GRM8: variants seen among roughly 807,000 people sequenced by gnomAD.
GRM8 encodes metabotropic glutamate receptor 8.
Under a neutral mutation model 87.2 loss-of-function variants are expected in GRM8, and 47 were observed. The ratio of observed to expected loss-of-function variants is 0.54; its 90% CI spans 0.43 to 0.69. The LOEUF (loss-of-function observed/expected upper bound fraction) is 0.69. GRM8 is among the 30% of genes least tolerant of loss of function. The pLI is 0.00. For missense variants in GRM8, 1,019 were observed against 1,139.2 expected, an observed-to-expected ratio of 0.89 and a Z score of 1.52; for synonymous variants, 396 against 404.5, an observed-to-expected ratio of 0.98 and a Z score of 0.25.
intron 9 of GRM8, among the ~76,000 whole-genome samples, chr7:126,450,616 C>T (rs1802510885): frequency 6.7e-6 from 1 of 149,372 alleles, no homozygotes; most frequent in Admixed American, 6.8e-5. Flanking sequence ...CCATTTACTA[C>T]TAGAAGTGAT....
intron 6 of GRM8, among the ~76,000 whole-genome samples, chr7:126,883,879 A>G (rs2535936): frequency 0.36 from 54,472 of 151,898 alleles, 10,392 homozygotes; most frequent in East Asian, 0.66. Context: ...ATAATCAATG[A>G]AGAAATGGAA....
intron 7 of GRM8, among the ~76,000 whole-genome samples, chr7:126,707,456 G>A (rs1810643713): frequency 6.6e-6 from 1 of 152,046 alleles, no homozygotes; most frequent in Non-Finnish European, 1.5e-5. Flanking sequence ...GTGGGGAAGG[G>A]GGTGTATAGT....
chr7:126,714,768 GA>G (rs1811529924), intron 7 of GRM8, among the ~76,000 whole-genome samples: 1 of 152,004 alleles, frequency 6.6e-6, no homozygotes, highest in Non-Finnish European at 1.5e-5. Flanking sequence ...CTGTTGACCA[GA>G]AGCCTTACTG....
chr7:127,073,241 A>T (rs117940901), intron 3 of GRM8, among the ~76,000 whole-genome samples: 1 of 152,328 alleles, frequency 6.6e-6, no homozygotes, highest in Non-Finnish European at 1.5e-5. Context: ...CACAAAAGGC[A>T]TGCAGGGCAG....
intron 2 of GRM8, among the ~76,000 whole-genome samples, chr7:127,166,047 T>C (rs544734744): frequency 6.6e-6 from 1 of 152,142 alleles, no homozygotes; most frequent in Non-Finnish European, 1.5e-5. Flanking sequence ...ATAAATAGGA[T>C]GCTTTTTCGC....
intron 9 of GRM8, among the ~76,000 whole-genome samples, chr7:126,519,086 C>T (rs1013280352): frequency 6.6e-5 from 10 of 151,972 alleles, no homozygotes; most frequent in Admixed American, 6.6e-4. Flanking sequence ...AAACCTTGTA[C>T]TTGAAAACTA....
chr7:126,622,763 C>T (rs1245967490), intron 7 of GRM8, among the ~76,000 whole-genome samples: 1 of 152,212 alleles, frequency 6.6e-6, no homozygotes, highest in African/African-American at 2.4e-5. Flanking sequence ...TCCCCACAGA[C>T]TCATTCAGCT....
At chr7:127,020,688 T>C (rs948198253) in intron 3 of GRM8, among the ~76,000 whole-genome samples, 4 of 152,066 alleles carry the variant, frequency 2.6e-5, no homozygotes, top group African/African-American at 7.2e-5. Flanking sequence ...TTAATACAAA[T>C]GTGTTACCTC....
chr7:126,833,819 C>A (rs2130465611), intron 6 of GRM8, among the ~76,000 whole-genome samples: 1 of 152,278 alleles, frequency 6.6e-6, no homozygotes, highest in South Asian at 2.1e-4. Flanking sequence ...TGCCTAAGAA[C>A]CACTTGGGGA....
At chr7:126,826,582 ATTTG>A in intron 6 of GRM8, among the ~76,000 whole-genome samples, 1 of 152,028 alleles carries the variant, frequency 6.6e-6, no homozygotes, top group East Asian at 1.9e-4. Context: ...TTTCTTGTAA[ATTTG>A]TTTGAGTTCA....
At chr7:126,573,179 C>T (rs1434679526) in intron 8 of GRM8, among the ~76,000 whole-genome samples, 1 of 152,118 alleles carries the variant, frequency 6.6e-6, no homozygotes, top group African/African-American at 2.4e-5. Flanking sequence ...AATGTTTACA[C>T]AGTCATCATA....
At chr7:127,035,823 G>GCTTCCCT (rs1817794495) in intron 3 of GRM8, among the ~76,000 whole-genome samples, 1 of 152,110 alleles carries the variant, frequency 6.6e-6, no homozygotes, top group Admixed American at 6.6e-5. Context: ...TCCCCATACT[G>GCTTCCCT]CTTCCCTCTC....
At chr7:127,198,499 T>C (rs1295458767) in intron 2 of GRM8, among the ~76,000 whole-genome samples, 2 of 152,284 alleles carry the variant, frequency 1.3e-5, no homozygotes, top group East Asian at 1.9e-4. Context: ...CTAATTCTTA[T>C]AAAGCACCCT....
At chr7:127,136,095 C>T (rs1827931907) in intron 2 of GRM8, among the ~76,000 whole-genome samples, 1 of 152,132 alleles carries the variant, frequency 6.6e-6, no homozygotes, top group African/African-American at 2.4e-5. Flanking sequence ...TTCACTAACA[C>T]ATGGCTACAT....
intron 9 of GRM8, among the ~76,000 whole-genome samples, chr7:126,499,118 C>G (rs1182205783): frequency 6.6e-6 from 1 of 151,880 alleles, no homozygotes; most frequent in African/African-American, 2.4e-5. Context: ...TCTCAACAAA[C>G]CTCTCCAAAT....
At chr7:127,115,557 T>C (rs1826650747) in intron 2 of GRM8, among the ~76,000 whole-genome samples, 1 of 152,220 alleles carries the variant, frequency 6.6e-6, no homozygotes, top group African/African-American at 2.4e-5. Context: ...GCATTTTGAC[T>C]TCTAACCTGT....
chr7:127,174,264 T>C (rs1034706939), intron 2 of GRM8, among the ~76,000 whole-genome samples: 4 of 152,054 alleles, frequency 2.6e-5, no homozygotes, highest in Non-Finnish European at 4.4e-5. Context: ...CAAACTCAGA[T>C]GTTGTGCATG....
At chr7:126,521,754 T>C (rs145431647) in intron 9 of GRM8, among the ~76,000 whole-genome samples, 104 of 152,252 alleles carry the variant, frequency 6.8e-4, no homozygotes, top group African/African-American at 2.5e-3. Context: ...ATAAAATCCA[T>C]TTAACTTTCA....
chr7:127,027,000 T>A (rs1816850901), intron 3 of GRM8, among the ~76,000 whole-genome samples: 1 of 152,212 alleles, frequency 6.6e-6, no homozygotes, highest in Non-Finnish European at 1.5e-5. Flanking sequence ...CCATCTTGAA[T>A]TAATTTTTGT....
Sources: allele counts gnomAD v4.1 joint callset (sites outside exome capture counted in the v4.1 genomes callset), GRCh38; gene constraint gnomAD v4.1.1; transcripts MANE v1.5; gene names NCBI Gene and HGNC (gene_info 2026-07-23, HGNC 2026-07-21).